Variants in ABTB3 observed in about 807,000 individuals in gnomAD.
The protein encoded by ABTB3 is ankyrin repeat- and BTB/POZ domain-containing protein 3.
the ABTB3 span, chr12:107,319,728 G>T: frequency 6.5e-7 from 1 of 1,530,504 alleles, no homozygotes; most frequent in South Asian, 1.2e-5. Flanking sequence ...AGCTGCAGTG[G>T]CCCTGGGTCA....
At chr12:107,572,641 C>T in the ABTB3 span, among the ~76,000 whole-genome samples, 12 of 152,154 alleles carry the variant, frequency 7.9e-5, no homozygotes, top group African/African-American at 2.2e-4. Context: ...GCCTAAATAC[C>T]GATGGGAAAC....
the ABTB3 span, among the ~76,000 whole-genome samples, chr12:107,433,296 CAAAAAAAAAAAAA>C: frequency 3.0e-4 from 7 of 23,110 alleles, no homozygotes; most frequent in African/African-American, 9.0e-4. Context: ...GACTCCGTCT[CAAAAAAAAAAAAA>C]AAAAAAAAAA....
chr12:107,408,418 T>A, the ABTB3 span, among the ~76,000 whole-genome samples: 1 of 152,320 alleles, frequency 6.6e-6, no homozygotes, highest in Non-Finnish European at 1.5e-5. Flanking sequence ...ACACCCAGTA[T>A]GATTGGGGAG....
chr12:107,408,314 C>G, the ABTB3 span, among the ~76,000 whole-genome samples: 1 of 152,180 alleles, frequency 6.6e-6, no homozygotes. Flanking sequence ...ATCCACAGCC[C>G]TGTGGGCTGC....
the ABTB3 span, among the ~76,000 whole-genome samples, chr12:107,434,515 T>C: frequency 6.6e-6 from 1 of 152,176 alleles, no homozygotes; most frequent in Non-Finnish European, 1.5e-5. Context: ...AAAGCAAACC[T>C]AGGAGCTACA....
At chr12:107,511,596 A>C in the ABTB3 span, among the ~76,000 whole-genome samples, 1 of 152,126 alleles carries the variant, frequency 6.6e-6, no homozygotes. Flanking sequence ...AAGAGAGAAG[A>C]AGCAGCCAAG....
chr12:107,385,087 C>A, the ABTB3 span, among the ~76,000 whole-genome samples: 1 of 152,204 alleles, frequency 6.6e-6, no homozygotes, highest in African/African-American at 2.4e-5. Flanking sequence ...ATTCACTGAG[C>A]AATGAAAATA....
the ABTB3 span, among the ~76,000 whole-genome samples, chr12:107,656,247 G>A: frequency 1.3e-5 from 2 of 151,312 alleles, no homozygotes; most frequent in Non-Finnish European, 2.9e-5. Context: ...GCTGCAGTAA[G>A]CAGAGATCAT....
At chr12:107,549,244 T>A in the ABTB3 span, among the ~76,000 whole-genome samples, 2 of 152,230 alleles carry the variant, frequency 1.3e-5, no homozygotes, top group African/African-American at 4.8e-5. Context: ...ACAGAGTTAA[T>A]AAAACAGACA....
At chr12:107,544,266 G>C in the ABTB3 span, 1 of 1,012,656 alleles carries the variant, frequency 9.9e-7, no homozygotes, top group Admixed American at 2.5e-5. Flanking sequence ...GAGTGGTCCC[G>C]GTGGGAACCT....
At chr12:107,607,716 G>A in the ABTB3 span, among the ~76,000 whole-genome samples, 8 of 152,248 alleles carry the variant, frequency 5.3e-5, no homozygotes, top group East Asian at 1.9e-4. Context: ...AGAAGCAAAC[G>A]CTTCATGTCT....
the ABTB3 span, among the ~76,000 whole-genome samples, chr12:107,651,358 A>T: frequency 3.3e-5 from 5 of 152,170 alleles, no homozygotes; most frequent in African/African-American, 9.7e-5. Context: ...CATCTTGCTG[A>T]TAATACCCTG....
the ABTB3 span, among the ~76,000 whole-genome samples, chr12:107,327,142 T>G: frequency 6.6e-6 from 1 of 152,170 alleles, no homozygotes. Flanking sequence ...CTATTAAAAT[T>G]AAGGTTTATA....
chr12:107,420,356 G>T, the ABTB3 span, among the ~76,000 whole-genome samples: 1 of 152,156 alleles, frequency 6.6e-6, no homozygotes, highest in African/African-American at 2.4e-5. Context: ...ATGGACTAAC[G>T]GTTTCACATG....
At chr12:107,414,342 A>G in the ABTB3 span, among the ~76,000 whole-genome samples, 2 of 152,140 alleles carry the variant, frequency 1.3e-5, no homozygotes, top group African/African-American at 2.4e-5. Context: ...AAAAATATCA[A>G]TCAGCTCCTG....
the ABTB3 span, among the ~76,000 whole-genome samples, chr12:107,646,290 C>T: frequency 6.6e-6 from 1 of 152,318 alleles, no homozygotes; most frequent in Non-Finnish European, 1.5e-5. Flanking sequence ...CCTAGGCCAG[C>T]CCAATTTAAA....
the ABTB3 span, among the ~76,000 whole-genome samples, chr12:107,370,757 A>ATTTTTTTTT: frequency 1.1e-5 from 1 of 87,464 alleles, no homozygotes. Context: ...CAAAAAAGGG[A>ATTTTTTTTT]TTTTTTTTTT....
chr12:107,354,082 G>A, the ABTB3 span, among the ~76,000 whole-genome samples: 35 of 152,226 alleles, frequency 2.3e-4, no homozygotes, highest in Non-Finnish European at 4.9e-4. Context: ...ATAGAGCCAT[G>A]GAACCAACAC....
At chr12:107,509,807 T>C in the ABTB3 span, among the ~76,000 whole-genome samples, 5 of 152,358 alleles carry the variant, frequency 3.3e-5, no homozygotes, top group East Asian at 7.7e-4. Context: ...TGTACAAACA[T>C]TTCTTAATCT....
Sources: allele counts gnomAD v4.1 joint callset (sites outside exome capture counted in the v4.1 genomes callset), GRCh38; gene constraint gnomAD v4.1.1; transcripts MANE v1.5; gene names NCBI Gene and HGNC (gene_info 2026-07-23, HGNC 2026-07-21).